The following USO1 variants were observed in gnomAD, a reference collection of about 807,000 sequenced individuals.
The protein encoded by USO1 is USO1 vesicle transport factor, also known as general vesicular transport factor p115.
Under a neutral mutation model 124.5 loss-of-function variants are expected in USO1, and 57 were observed. That is an observed-to-expected ratio of 0.46 (90% CI 0.37 to 0.57). USO1 has a LOEUF of 0.57. USO1 is among the 20% of genes least tolerant of loss of function. The pLI is 0.00. For synonymous variants in USO1, 369 were observed against 362.8 expected (o/e 1.02, Z -0.19); for missense variants, 900 against 1,040.6 (o/e 0.86, Z 1.86).
At chr4:75,799,774 T>C in intron 14 of USO1, 42 bp downstream of exon 14, 1 of 1,602,872 alleles carries the variant, frequency 6.2e-7, no homozygotes, top group Non-Finnish European at 8.5e-7. Flanking sequence ...AGTATTTATA[T>C]CTTTTTTAGT....
At chr4:75,790,591 T>G in intron 11 of USO1, 52 bp from the exon 12 acceptor site, 1 of 1,568,358 alleles carries the variant, frequency 6.4e-7, no homozygotes, top group Non-Finnish European at 8.6e-7. Flanking sequence ...TATTGACTTG[T>G]ATACTTGGGT....
chr4:75,727,981 T>C (rs936749365), intron 1 of USO1, among the ~76,000 whole-genome samples: 4 of 152,200 alleles, frequency 2.6e-5, no homozygotes, highest in Non-Finnish European at 5.9e-5. Flanking sequence ...GGGTTCATAA[T>C]GTATTTTAAT....
chr4:75,729,213 C>G (rs1720556629), intron 1 of USO1, among the ~76,000 whole-genome samples: 5 of 152,120 alleles, frequency 3.3e-5, no homozygotes, highest in Non-Finnish European at 1.5e-5. Flanking sequence ...TAGTACAAAT[C>G]CTACTCATGC....
intron 21 of USO1, among the ~76,000 whole-genome samples, chr4:75,809,355 T>C (rs1235085950): frequency 6.6e-6 from 1 of 152,198 alleles, no homozygotes; most frequent in Non-Finnish European, 1.5e-5. Context: ...ACCGTTGTTG[T>C]TTTCTCCAGA....
intron 8 of USO1, 60 bp from the exon 9 acceptor site, chr4:75,782,620 T>C (rs1308776911): frequency 7.4e-6 from 11 of 1,495,178 alleles, no homozygotes; most frequent in Non-Finnish European, 9.7e-6. Flanking sequence ...TAAAAATGTT[T>C]GGGAGTTTTG....
intron 8 of USO1, among the ~76,000 whole-genome samples, chr4:75,781,823 G>A (rs1380426395): frequency 6.6e-6 from 1 of 152,156 alleles, no homozygotes; most frequent in Non-Finnish European, 1.5e-5. Context: ...AAGTGTTGAT[G>A]TACCAGATGA....
intron 3 of USO1, among the ~76,000 whole-genome samples, chr4:75,756,934 CAGTT>C (rs1264811161): frequency 6.6e-6 from 1 of 151,266 alleles, no homozygotes; most frequent in Non-Finnish European, 1.5e-5. Context: ...TAGATATGAA[CAGTT>C]AGATTTTTAT....
chr4:75,765,866 C>G (rs763182016), intron 4 of USO1, among the ~76,000 whole-genome samples: 1 of 152,104 alleles, frequency 6.6e-6, no homozygotes, highest in East Asian at 1.9e-4. Flanking sequence ...TATTATCAGG[C>G]CTTTGTAGCA....
intron 8 of USO1, 90 bp downstream of exon 8, chr4:75,774,886 G>C: frequency 6.9e-7 from 1 of 1,457,972 alleles, no homozygotes; most frequent in Admixed American, 2.4e-5. Flanking sequence ...GAGAAATGGG[G>C]ACTCTTATTT....
In USO1 at chr4:75,758,041, CTGTT is replaced by C. The variant is rs1334277129; in HGVS notation, c.295+471_295+474del. 3.3e-5 allele frequency among the ~76,000 whole-genome samples: 5 copies of C among 152,050 alleles called. No homozygotes were observed. The South Asian group carries it at 6.2e-4, about 19-fold the overall frequency. ...TAGATTTTTTTTCTTTACATTTTGT[CTGTT>C]TGGTGAACATTGCTATAAATCGGTT... On this transcript the variant is annotated intron_variant, in intron 4 of 23. Coordinates refer to ENST00000514213, the MANE Select transcript of USO1 (RefSeq NM_003715.4).
At chr4:75,805,012 T>C (rs900818236) in intron 18 of USO1, 128 bp from the exon 19 acceptor site, 64 of 1,255,834 alleles carry the variant, frequency 5.1e-5, no homozygotes, top group Middle Eastern at 2.7e-4. Flanking sequence ...TCTGCAAAGA[T>C]GAAATGTGAT....
chr4:75,727,798 T>C (rs928364900), intron 1 of USO1, among the ~76,000 whole-genome samples: 1 of 152,180 alleles, frequency 6.6e-6, no homozygotes, highest in Non-Finnish European at 1.5e-5. Flanking sequence ...GGAAGGGCTC[T>C]TTTCTTTGTC....
In USO1 at chr4:75,813,469, G is replaced by T; in HGVS notation, c.*174G>T. On this transcript the variant is annotated 3_prime_UTR_variant, in exon 24 of 24. Coordinates refer to ENST00000514213, the MANE Select transcript of USO1 (RefSeq NM_003715.4). ...CACCCATGTTGAAAACCTTAAAACT[G>T]AATTTATGTAGAACACACATCTTTT... 1.8e-6 allele frequency: 1 copy of T among 565,364 alleles called. No individual in the cohort carries two copies. 35.0% of individuals were successfully genotyped at this position (565,364 alleles called of 1,614,324 possible).
At chr4:75,735,941 G>GT (rs970876293) in intron 1 of USO1, among the ~76,000 whole-genome samples, 3 of 151,792 alleles carry the variant, frequency 2.0e-5, no homozygotes, top group African/African-American at 7.3e-5. Context: ...AGCAAAAAAT[G>GT]TTTTTTTTAA....
chr4:75,796,263 G>A (rs1232057980), intron 13 of USO1, among the ~76,000 whole-genome samples: 1 of 150,274 alleles, frequency 6.7e-6, no homozygotes, highest in Non-Finnish European at 1.5e-5. Context: ...GATTTTTGGT[G>A]TTTGAGTGTA....
chr4:75,790,547 G>A (rs1042759789), intron 11 of USO1, 96 bp from the exon 12 acceptor site: 12 of 1,481,602 alleles, frequency 8.1e-6, no homozygotes, highest in South Asian at 1.4e-5. Flanking sequence ...CTGGTGTTCT[G>A]GTTATGATTC....
intron 4 of USO1, among the ~76,000 whole-genome samples, chr4:75,768,146 A>G (rs1269794865): frequency 6.6e-6 from 1 of 152,094 alleles, no homozygotes; most frequent in Admixed American, 6.6e-5. Flanking sequence ...CCTCCCGAGT[A>G]GCTGGGACTA....
chr4:75,764,746 A>G (rs1721716170), intron 4 of USO1, among the ~76,000 whole-genome samples: 1 of 152,208 alleles, frequency 6.6e-6, no homozygotes, highest in Non-Finnish European at 1.5e-5. Context: ...TCTTGTAAGC[A>G]AGGCTGTTTG....
intron 8 of USO1, among the ~76,000 whole-genome samples, chr4:75,777,637 G>T (rs895677300): frequency 4.6e-5 from 7 of 152,092 alleles, no homozygotes; most frequent in Non-Finnish European, 1.0e-4. Context: ...AAAACAATGA[G>T]ATATCACTAC....
Sources: gnomAD v4.1 joint callset for allele counts (sites outside exome capture counted in the v4.1 genomes callset) on GRCh38, gnomAD v4.1.1 for gene constraint, MANE v1.5 for transcripts, NCBI Gene and HGNC (gene_info 2026-07-23, HGNC 2026-07-21) for gene names.